The following TMEM132C variants were observed in gnomAD, a reference collection of about 807,000 sequenced individuals.
The protein encoded by TMEM132C is protein phosphatase 1, regulatory subunit 152.
TMEM132C carries 29 observed loss-of-function variants against 61.4 expected under a neutral mutation model. That is an observed-to-expected ratio of 0.47 (90% CI 0.35 to 0.64). The LOEUF is 0.64. Among genes scored for constraint, TMEM132C ranks in the 30% least tolerant of loss-of-function variants. The pLI is 0.00. For missense variants in TMEM132C, 1,408 were observed against 1,476.9 expected, an observed-to-expected ratio of 0.95 and a Z score of 0.76; for synonymous variants, 656 against 633.1, an observed-to-expected ratio of 1.04 and a Z score of -0.54.
chr12:128,333,216 G>C (rs559625357), intron 1 of TMEM132C, among the ~76,000 whole-genome samples: 1 of 151,382 alleles, frequency 6.6e-6, no homozygotes, highest in East Asian at 2.0e-4. Context: ...GTGTGAGAGT[G>C]TGTGATGTGT....
chr12:128,603,319 G>A (rs1025575747), intron 3 of TMEM132C, among the ~76,000 whole-genome samples: 1 of 152,208 alleles, frequency 6.6e-6, no homozygotes, highest in Admixed American at 6.5e-5. Flanking sequence ...CCTTGCAGAG[G>A]GGTGTGCATA....
intron 1 of TMEM132C, among the ~76,000 whole-genome samples, chr12:128,286,322 T>C (rs1171369558): frequency 6.6e-6 from 1 of 152,170 alleles, no homozygotes; most frequent in East Asian, 1.9e-4. Flanking sequence ...GGATGCAGGC[T>C]TACAAACTCA....
rs1876037411 is a variant in TMEM132C, at chr12:128,598,098, C to A, written c.1122-18054C>A. 4.6e-5 allele frequency among the ~76,000 whole-genome samples: 7 copies of A among 152,156 alleles called. No homozygotes were observed. The South Asian group carries it at 1.5e-3, about 32-fold the overall frequency. On this transcript the variant is annotated intron_variant, in intron 3 of 8. Transcript: ENST00000435159. ...TTTTAAAGATAAAATGTTGACCTGG[C>A]AGTTATTAAAACTATGTTTTTAAAA...
At chr12:128,433,436 C>CTGCCCAATT (rs1346301409) in intron 2 of TMEM132C, among the ~76,000 whole-genome samples, 1 of 152,192 alleles carries the variant, frequency 6.6e-6, no homozygotes, top group East Asian at 1.9e-4. Context: ...TGGCTTGATG[C>CTGCCCAATT]TGCCCAATTC....
intron 1 of TMEM132C, among the ~76,000 whole-genome samples, chr12:128,379,006 G>A (rs551648023): frequency 6.6e-6 from 1 of 152,320 alleles, no homozygotes; most frequent in African/African-American, 2.4e-5. Flanking sequence ...CTTCGGCCAT[G>A]ATTGTGAGGC....
Position 128,705,231 on chromosome 12 carries a change from T to C in TMEM132C, c.2263T>C (p.Trp755Arg), listed in dbSNP as rs892404178. ...VSVPQPRSPR[W>R]PVVVAEGEGQ... ...AGTCCCCCAGCCCCGCTCTCCCAGGTGGCCCGTTGTGGTGGCCGAAGGGGA... is the reference window on the plus strand; with the variant it reads ...AGTCCCCCAGCCCCGCTCTCCCAGGCGGCCCGTTGTGGTGGCCGAAGGGGA... The change falls in exon 9 of 9, where the codon TGG becomes CGG. Residue 755 changes from tryptophan to arginine, a missense_variant. By Grantham distance (101) the Trp-to-Arg change is moderately radical (BLOSUM62 -3). Transcript: ENST00000435159. 6 of 1,551,526 alleles carry C rather than the reference T, an allele frequency of 3.9e-6. No homozygotes were observed. In the African/African-American group the frequency reaches 5.5e-5, roughly 14 times the overall value.
intron 1 of TMEM132C, among the ~76,000 whole-genome samples, chr12:128,388,744 G>A (rs1340672029): frequency 6.6e-6 from 1 of 152,254 alleles, no homozygotes; most frequent in Non-Finnish European, 1.5e-5. Flanking sequence ...CTGTGCAGCT[G>A]ACGCCGGCTG....
At chr12:128,293,987 G>A (rs1683710) in intron 1 of TMEM132C, 35,457 of 154,298 alleles carry the variant, frequency 0.23, 4,590 homozygotes, top group East Asian at 0.5. Flanking sequence ...GAATATTTCC[G>A]AAGGGGAATC....
intron 1 of TMEM132C, among the ~76,000 whole-genome samples, chr12:128,392,466 A>G (rs1874799021): frequency 6.6e-6 from 1 of 152,126 alleles, no homozygotes; most frequent in Admixed American, 6.5e-5. Flanking sequence ...CTTCTATTCC[A>G]GTTTCTCAAA....
At chr12:128,357,177 G>A (rs1444304893) in intron 1 of TMEM132C, among the ~76,000 whole-genome samples, 1 of 152,108 alleles carries the variant, frequency 6.6e-6, no homozygotes, top group African/African-American at 2.4e-5. Context: ...GGTTACTTTG[G>A]GGAGAAAAGT....
At chr12:128,412,761 C>T (rs903708720) in intron 1 of TMEM132C, among the ~76,000 whole-genome samples, 1 of 152,160 alleles carries the variant, frequency 6.6e-6, no homozygotes, top group Non-Finnish European at 1.5e-5. Flanking sequence ...TCTTTATTAG[C>T]AGTGTGAAAA....
chr12:128,638,884 ATGGTGG>A (rs796453348), intron 4 of TMEM132C, among the ~76,000 whole-genome samples: 20 of 82,780 alleles, frequency 2.4e-4, no homozygotes, highest in South Asian at 7.9e-4. Flanking sequence ...AATGGTGATG[ATGGTGG>A]TGGTGATGGT....
At chr12:128,276,724 G>A (rs779599790) in intron 1 of TMEM132C, among the ~76,000 whole-genome samples, 22 of 152,078 alleles carry the variant, frequency 1.4e-4, no homozygotes, top group Admixed American at 2.0e-4. Flanking sequence ...CTGTCTCTGC[G>A]GACCCAGATG....
chr12:128,577,423 C>T (rs751427479), intron 3 of TMEM132C, among the ~76,000 whole-genome samples: 18 of 149,820 alleles, frequency 1.2e-4, no homozygotes, highest in African/African-American at 3.3e-4. Context: ...CTGGCCATGG[C>T]CCCCCTTGGG....
intron 2 of TMEM132C, among the ~76,000 whole-genome samples, chr12:128,485,518 T>C (rs1359340607): frequency 2.6e-5 from 4 of 152,076 alleles, no homozygotes; most frequent in Non-Finnish European, 4.4e-5. Flanking sequence ...GGAGGGGATA[T>C]TTCCCCTAAC....
intron 2 of TMEM132C, among the ~76,000 whole-genome samples, chr12:128,477,048 A>G (rs1254322553): frequency 1.3e-5 from 2 of 152,272 alleles, no homozygotes; most frequent in South Asian, 2.1e-4. Flanking sequence ...GTGACTTGAC[A>G]TATTAGTTAG....
intron 1 of TMEM132C, among the ~76,000 whole-genome samples, chr12:128,276,399 G>A (rs1456509965): frequency 6.6e-6 from 1 of 152,182 alleles, no homozygotes; most frequent in Non-Finnish European, 1.5e-5. Flanking sequence ...AACTGGTCAA[G>A]TGTGAGGTGT....
chr12:128,547,681 T>C (rs192220268), intron 3 of TMEM132C, among the ~76,000 whole-genome samples: 123 of 152,316 alleles, frequency 8.1e-4, no homozygotes, highest in Non-Finnish European at 1.3e-3. Flanking sequence ...ATCCCCGTGT[T>C]GGCCACATCC....
At chr12:128,589,337 C>T (rs2135565147) in intron 3 of TMEM132C, among the ~76,000 whole-genome samples, 1 of 152,260 alleles carries the variant, frequency 6.6e-6, no homozygotes, top group East Asian at 1.9e-4. Flanking sequence ...GACTTTTCTG[C>T]AGCCTGCATC....
Sources: allele counts gnomAD v4.1 joint callset (sites outside exome capture counted in the v4.1 genomes callset), GRCh38; gene constraint gnomAD v4.1.1; transcripts MANE v1.5; gene names NCBI Gene and HGNC (gene_info 2026-07-23, HGNC 2026-07-21).